The following MYO5C variants were observed in gnomAD, a reference collection of about 807,000 sequenced individuals.
The protein encoded by MYO5C is unconventional myosin-Vc.
Under a neutral mutation model 235.7 loss-of-function variants are expected in MYO5C, and 194 were observed. The ratio of observed to expected loss-of-function variants is 0.82; its 90% CI spans 0.73 to 0.93. The LOEUF is 0.93. Ranked by LOEUF, MYO5C falls within the 40% of genes least tolerant of loss-of-function variation. The probability of loss-of-function intolerance (pLI) is 0.00; values close to 1 mark genes in which losing one functional copy is unlikely to be tolerated. For missense variants in MYO5C, 2,038 were observed against 2,127.2 expected, an observed-to-expected ratio of 0.96 and a Z score of 0.82; for synonymous variants, 707 against 754.8, an observed-to-expected ratio of 0.94 and a Z score of 1.04.
chr15:52,214,853 AATC>A (rs2035520123), intron 32 of MYO5C, among the ~76,000 whole-genome samples, 163 bp from the exon 33 acceptor site: 1 of 152,144 alleles, frequency 6.6e-6, no homozygotes, highest in Non-Finnish European at 1.5e-5. Flanking sequence ...GTTGTGCTAC[AATC>A]ATCATTATTT....
intron 6 of MYO5C, 66 bp downstream of exon 6, chr15:52,272,514 T>C (rs2036945978): frequency 6.7e-7 from 1 of 1,494,286 alleles, no homozygotes; most frequent in Non-Finnish European, 9.2e-7. Context: ...TGCCTGAGTA[T>C]GTATAATAAG....
At chr15:52,206,373 A>C (rs2035314526) in intron 36 of MYO5C, among the ~76,000 whole-genome samples, 1 of 152,202 alleles carries the variant, frequency 6.6e-6, no homozygotes, top group African/African-American at 2.4e-5. Flanking sequence ...AAATATTTTA[A>C]AGTGTGTGTT....
intron 38 of MYO5C, among the ~76,000 whole-genome samples, chr15:52,198,618 G>A (rs1221370070): frequency 1.3e-5 from 2 of 152,112 alleles, no homozygotes; most frequent in Non-Finnish European, 2.9e-5. Flanking sequence ...GTCTCACTCT[G>A]TTGCCCAGGC....
intron 1 of MYO5C, among the ~76,000 whole-genome samples, chr15:52,290,277 T>C (rs2037358632): frequency 6.6e-6 from 1 of 152,178 alleles, no homozygotes; most frequent in Non-Finnish European, 1.5e-5. Flanking sequence ...AGTATTTCAG[T>C]CTTTTCATCC....
At chr15:52,239,531 C>T (rs1259262311) in intron 21 of MYO5C, among the ~76,000 whole-genome samples, 1 of 152,258 alleles carries the variant, frequency 6.6e-6, no homozygotes, top group Non-Finnish European at 1.5e-5. Context: ...GGTAGGCACA[C>T]TTGTGCAGTA....
Position 52,246,918 on chromosome 15 carries a change from C to A in MYO5C, c.1978G>T (p.Glu660Ter). The A allele has an allele frequency of 6.2e-7, 1 of 1,612,632 alleles. No homozygotes were observed. The highest frequency in any genetic ancestry group is 1.1e-5 in the South Asian group (1 of 90,672). Residue 660 changes from glutamate (E) to a stop codon, truncating the protein, a stop_gained and splice_region_variant, in exon 16 of 41, where the codon GAA (glutamate) becomes TAA (stop). Transcript: ENST00000261839. LOFTEE classifies it high-confidence loss of function. ...IKPNDEKLPF[E>*]FDSKRIVQQL... ...TGTGTGTTGCATAAGAACACTTACT[C>A]AAAGGGTAACTTCTCATCATTTGGC...
chr15:52,252,302 A>C (rs946883658), intron 12 of MYO5C, among the ~76,000 whole-genome samples: 2 of 152,178 alleles, frequency 1.3e-5, no homozygotes, highest in Non-Finnish European at 2.9e-5. Flanking sequence ...AAAGACTGGC[A>C]CCTGAATAGA....
intron 5 of MYO5C, 21 bp from the exon 6 acceptor site, chr15:52,272,744 T>C (rs202022327): frequency 1.2e-6 from 2 of 1,609,562 alleles, no homozygotes; most frequent in African/African-American, 1.3e-5. Flanking sequence ...TAAGACTCTA[T>C]TGAAATAACA....
chr15:52,204,747 T>G, intron 38 of MYO5C, 118 bp downstream of exon 38: 1 of 1,239,078 alleles, frequency 8.1e-7, no homozygotes, highest in East Asian at 2.5e-5. Context: ...CCTACAGCAG[T>G]AGGGCCTAAA....
chr15:52,194,778 T>C (rs1165466716), intron 40 of MYO5C, among the ~76,000 whole-genome samples: 2 of 151,676 alleles, frequency 1.3e-5, no homozygotes, highest in African/African-American at 4.8e-5. Flanking sequence ...CGATATATCA[T>C]ATATATCTGC....
chr15:52,214,740 ATTTTT>A, intron 32 of MYO5C, 50 bp from the exon 33 acceptor site: 1 of 981,732 alleles, frequency 1.0e-6, no homozygotes, highest in Non-Finnish European at 1.4e-6. Context: ...ACTTTAATCT[ATTTTT>A]TTTTTTTTTG....
intron 2 of MYO5C, among the ~76,000 whole-genome samples, chr15:52,281,219 A>C (rs1343815391): frequency 6.6e-6 from 1 of 152,174 alleles, no homozygotes; most frequent in African/African-American, 2.4e-5. Context: ...GGAGGGGAGA[A>C]AATGTAATGA....
chr15:52,211,863 ACCACG>A lies in MYO5C; in HGVS notation c.4158_4162del (p.Val1387GlyfsTer24). On this transcript the variant is annotated frameshift_variant, in exon 35 of 41. Transcript: ENST00000261839. LOFTEE classifies it high-confidence loss of function. ...CGGCAGCCCGGGGATCATGTTCACC[ACCACG>A]CCACGGGGCTTCAAGTCTGAAGCAG... 2 of 1,614,002 alleles carry A rather than the reference ACCACG, an allele frequency of 1.2e-6. No homozygotes were observed. The highest frequency in any genetic ancestry group is 1.7e-6 in the Non-Finnish European group (2 of 1,179,922).
rs1442874739 is a variant in MYO5C at position 52,245,386 on chromosome 15, C to T, written c.2146G>A (p.Val716Met). The T allele has an allele frequency of 5.6e-6, 9 of 1,614,046 alleles. No individual in the cohort carries two copies. Among genetic ancestry groups the T allele is most frequent in the African/African-American group, 5.3e-5 (4 of 74,924 alleles). ...QELSFSDKKEVCKVVLHRLIQ... is the reference protein window; with the variant it reads ...QELSFSDKKEMCKVVLHRLIQ... The stretch of plus-strand genomic sequence containing the variant: ...AGTCTGTGTAAAACCACCTTGCACA[C>T]CTCCTTTTTATCGCTGAAGGAAAGC... Residue 716 changes from valine to methionine, a missense_variant, in exon 18 of 41, where the codon GTG (valine) becomes ATG (methionine). Transcript: ENST00000261839.
intron 38 of MYO5C, among the ~76,000 whole-genome samples, chr15:52,197,664 C>T (rs999924538): frequency 2.6e-5 from 4 of 152,120 alleles, no homozygotes; most frequent in Non-Finnish European, 5.9e-5. Flanking sequence ...TGGAGTCTCC[C>T]TCTATCACCC....
intron 23 of MYO5C, among the ~76,000 whole-genome samples, chr15:52,235,223 A>G (rs1047059751): frequency 2.6e-5 from 4 of 152,194 alleles, no homozygotes; most frequent in African/African-American, 9.7e-5. Flanking sequence ...TTTTTTCTGC[A>G]AATCTTTGGT....
intron 36 of MYO5C, among the ~76,000 whole-genome samples, chr15:52,206,351 G>A (rs1443945958): frequency 6.6e-6 from 1 of 152,072 alleles, no homozygotes; most frequent in East Asian, 1.9e-4. Context: ...TAATTTACAG[G>A]GTACAAAGTT....
At chr15:52,237,307 C>T in intron 22 of MYO5C, 175 bp downstream of exon 22, 1 of 691,912 alleles carries the variant, frequency 1.4e-6, no homozygotes, top group South Asian at 2.2e-5. Flanking sequence ...TTCCCCTAGA[C>T]TCTAATCCTC....
chr15:52,204,835 T>C (rs774343307), intron 38 of MYO5C, 30 bp downstream of exon 38: 1 of 1,606,390 alleles, frequency 6.2e-7, no homozygotes, highest in South Asian at 1.1e-5. Context: ...TGCAGGCCTC[T>C]CCGCGTGAGC....
Sources: gnomAD v4.1 joint callset for allele counts (sites outside exome capture counted in the v4.1 genomes callset) on GRCh38, gnomAD v4.1.1 for gene constraint, MANE v1.5 for transcripts, NCBI Gene and HGNC (gene_info 2026-07-23, HGNC 2026-07-21) for gene names.